ATF6: variants seen among roughly 807,000 people sequenced by gnomAD.
ATF6 encodes cyclic AMP-dependent transcription factor ATF-6 alpha.
Under a neutral mutation model 83.6 loss-of-function variants are expected in ATF6, and 53 were observed. The observed-to-expected ratio is 0.63, with a 90% CI of 0.51 to 0.80. The LOEUF (loss-of-function observed/expected upper bound fraction) is 0.80. ATF6 is among the 30% of genes least tolerant of loss of function. The pLI is 0.00. For synonymous variants in ATF6, 288 were observed against 285.8 expected (o/e 1.01, Z -0.08); for missense variants, 744 against 797.9 (o/e 0.93, Z 0.81).
At chr1:161,771,238 T>C (rs143366860) in intron 1 of ATF6, among the ~76,000 whole-genome samples, 1 of 152,262 alleles carries the variant, frequency 6.6e-6, no homozygotes, top group African/African-American at 2.4e-5. Flanking sequence ...TTTCTCCTTT[T>C]TCCTTCTCTT....
chr1:161,828,129 T>A (rs1036087821), intron 9 of ATF6, among the ~76,000 whole-genome samples: 2 of 152,184 alleles, frequency 1.3e-5, no homozygotes, highest in African/African-American at 2.4e-5. Context: ...TTCTTTTTTT[T>A]AAATTATCAC....
chr1:161,856,716 A>G (rs193103693), intron 12 of ATF6, among the ~76,000 whole-genome samples: 3 of 147,674 alleles, frequency 2.0e-5, no homozygotes, highest in African/African-American at 7.5e-5. Context: ...TTCTTGCCCT[A>G]AATGCTTTTT....
intron 8 of ATF6, among the ~76,000 whole-genome samples, chr1:161,820,697 G>A (rs1293295255): frequency 6.6e-6 from 1 of 152,062 alleles, no homozygotes; most frequent in Admixed American, 6.5e-5. Context: ...GCGGTGATCC[G>A]AGATGATGCC....
intron 9 of ATF6, among the ~76,000 whole-genome samples, chr1:161,843,289 C>CT (rs35375131): frequency 1.3e-5 from 2 of 151,762 alleles, no homozygotes; most frequent in African/African-American, 4.9e-5. Flanking sequence ...TGGGAATTGA[C>CT]TTTTTTTTTG....
In ATF6 at chr1:161,906,307, T is replaced by G. The variant is rs147565198; in HGVS notation, c.1720-5989T>G. On this transcript the variant is annotated intron_variant, in intron 14 of 15. Transcript: ENST00000367942. ...ACTCTCATGAAAAGAGAAGAATGAT[T>G]TTGGATGCTACTGTCTTATCGGAAA... is the stretch of plus-strand genomic sequence containing the variant. 1.2e-3 allele frequency among the ~76,000 whole-genome samples: 176 copies of G among 152,336 alleles called. 1 individual carries two copies. Among genetic ancestry groups the G allele is most frequent in the Non-Finnish European group, 1.8e-3 (125 of 68,026 alleles).
At chr1:161,814,657 G>T (rs1302876809) in intron 7 of ATF6, among the ~76,000 whole-genome samples, 1 of 152,282 alleles carries the variant, frequency 6.6e-6, no homozygotes, top group South Asian at 2.1e-4. Context: ...AATAGAAAGA[G>T]TAAAATAAAA....
chr1:161,886,453 C>G (rs982047078), intron 14 of ATF6, among the ~76,000 whole-genome samples: 2 of 152,166 alleles, frequency 1.3e-5, no homozygotes, highest in Non-Finnish European at 2.9e-5. Flanking sequence ...AATGCATTGT[C>G]AGGCAATTTC....
chr1:161,832,397 AGACAGTGGGTGCAG>A (rs1198530870), intron 9 of ATF6, among the ~76,000 whole-genome samples: 5 of 152,168 alleles, frequency 3.3e-5, no homozygotes, highest in Non-Finnish European at 7.4e-5. Flanking sequence ...GGGGAGTGCC[AGACAGTGGGTGCAG>A]GACAGTGGGT....
chr1:161,818,095 C>T (rs1174099375), intron 7 of ATF6, among the ~76,000 whole-genome samples: 5 of 129,394 alleles, frequency 3.9e-5, no homozygotes, highest in Non-Finnish European at 8.0e-5. Flanking sequence ...AGCAAGACTC[C>T]ATCTCAAAAA....
At chr1:161,791,060 A>ATGTG (rs67323020) in intron 4 of ATF6, among the ~76,000 whole-genome samples, 12,939 of 111,448 alleles carry the variant, frequency 0.12, 1,081 homozygotes, top group Admixed American at 0.31. Context: ...ACCAAGTTTT[A>ATGTG]TATGTGTGTG....
At chr1:161,836,934 G>T (rs2101807680) in intron 9 of ATF6, among the ~76,000 whole-genome samples, 1 of 152,292 alleles carries the variant, frequency 6.6e-6, no homozygotes, top group South Asian at 2.1e-4. Context: ...AACTAGGCCA[G>T]GTGAGAAAAC....
At chr1:161,812,371 CTTTTTTTTTTTTTTTTTT>C (rs869240831) in intron 7 of ATF6, among the ~76,000 whole-genome samples, 27 of 34,386 alleles carry the variant, frequency 7.9e-4, no homozygotes, top group South Asian at 6.1e-3. Flanking sequence ...CAGGTATTTT[CTTTTTTTTTTTTTTTTTT>C]TTTTTTTTTT....
At chr1:161,863,109 G>C in intron 13 of ATF6, 89 bp from the exon 14 acceptor site, 1 of 682,658 alleles carries the variant, frequency 1.5e-6, no homozygotes, top group Non-Finnish European at 2.4e-6. Flanking sequence ...GAGATTCTTA[G>C]AATTCAGACA....
chr1:161,915,214 G>A (rs1334089683), intron 15 of ATF6, among the ~76,000 whole-genome samples: 1 of 152,120 alleles, frequency 6.6e-6, no homozygotes, highest in Non-Finnish European at 1.5e-5. Context: ...CTTCCCTCTT[G>A]TTGCACTGAA....
intron 9 of ATF6, among the ~76,000 whole-genome samples, chr1:161,839,436 C>T (rs1686302120): frequency 1.3e-5 from 2 of 152,112 alleles, no homozygotes; most frequent in Admixed American, 6.5e-5. Context: ...AATCACGGCT[C>T]ACTCAGCCTT....
intron 9 of ATF6, among the ~76,000 whole-genome samples, chr1:161,829,002 A>G (rs2101796440): frequency 1.3e-5 from 2 of 152,276 alleles, no homozygotes; most frequent in Middle Eastern, 3.4e-3. Flanking sequence ...GATAAAACAG[A>G]CTTTAAACCA....
At chr1:161,875,291 A>G (rs912805397) in intron 14 of ATF6, among the ~76,000 whole-genome samples, 7 of 151,790 alleles carry the variant, frequency 4.6e-5, no homozygotes, top group African/African-American at 1.7e-4. Context: ...TAGTTGCAAC[A>G]CGGAAGCCAA....
intron 7 of ATF6, among the ~76,000 whole-genome samples, chr1:161,810,269 C>T (rs1000073134): frequency 6.6e-6 from 1 of 152,174 alleles, no homozygotes; most frequent in Admixed American, 6.5e-5. Flanking sequence ...AGGAAACTTA[C>T]AATCATGACT....
chr1:161,864,997 TAGAC>T (rs1305484055), intron 14 of ATF6, among the ~76,000 whole-genome samples: 3 of 152,212 alleles, frequency 2.0e-5, no homozygotes, highest in Admixed American at 6.5e-5. Flanking sequence ...AACACTCAAA[TAGAC>T]AGTTTTTCTG....
Sources: gnomAD v4.1 joint callset for allele counts (sites outside exome capture counted in the v4.1 genomes callset) on GRCh38, gnomAD v4.1.1 for gene constraint, MANE v1.5 for transcripts, NCBI Gene and HGNC (gene_info 2026-07-23, HGNC 2026-07-21) for gene names.